Variants in FANCB observed in about 807,000 individuals in gnomAD.
FANCB encodes FA complementation group B.
In FANCB, 5 loss-of-function variants were observed where a neutral mutation model predicts 38.9. The ratio of observed to expected loss-of-function variants is 0.13; its 90% confidence interval spans 0.07 to 0.27. The LOEUF (loss-of-function observed/expected upper bound fraction) is 0.27, where lower values mean the gene tolerates loss of function less well. Among genes scored for constraint, FANCB ranks in the 10% least tolerant of loss-of-function variants. The pLI, the probability that FANCB is intolerant of heterozygous loss-of-function variation, is 1.00. For missense variants in FANCB, 573 were observed against 602.7 expected, an observed-to-expected ratio of 0.95 and a Z score of 0.52; for synonymous variants, 236 against 215.4, an observed-to-expected ratio of 1.10 and a Z score of -0.84.
the FANCB span, among the ~76,000 whole-genome samples, chrX:14,717,936 G>A: frequency 1.8e-5 from 2 of 111,210 alleles, no homozygotes; most frequent in Non-Finnish European, 3.8e-5. Context: ...GAGATAGGCT[G>A]ATGAGTAAAT....
At chrX:14,741,901 C>A in the FANCB span, among the ~76,000 whole-genome samples, 1 of 111,267 alleles carries the variant, frequency 9.0e-6, no homozygotes, top group Non-Finnish European at 1.9e-5. Context: ...AAACAGTAAC[C>A]TTTATGGTTA....
intron 3 of FANCB, among the ~76,000 whole-genome samples, chrX:14,863,766 C>T (rs2092456325): frequency 8.9e-6 from 1 of 112,280 alleles, no homozygotes; most frequent in African/African-American, 3.2e-5. Context: ...CTCCAGATTT[C>T]AAGGAATTTC....
the FANCB span, among the ~76,000 whole-genome samples, chrX:14,754,171 C>T: frequency 3.6e-5 from 4 of 112,578 alleles, no homozygotes; most frequent in Non-Finnish European, 7.5e-5. Flanking sequence ...TACAATAGTT[C>T]GCCAGCTGAA....
At chrX:14,802,057 A>T in the FANCB span, among the ~76,000 whole-genome samples, 1 of 111,496 alleles carries the variant, frequency 9.0e-6, no homozygotes, top group Non-Finnish European at 1.9e-5. Flanking sequence ...ATGGCTCCTT[A>T]TGGTGCTCCC....
the FANCB span, among the ~76,000 whole-genome samples, chrX:14,757,470 G>C: frequency 8.9e-6 from 1 of 111,758 alleles, no homozygotes; most frequent in African/African-American, 3.3e-5. Context: ...TTTGAAGGAA[G>C]TGGATTGCTG....
At chrX:14,703,700 A>G in the FANCB span, among the ~76,000 whole-genome samples, 8 of 111,751 alleles carry the variant, frequency 7.2e-5, no homozygotes, top group Non-Finnish European at 1.3e-4. Context: ...ACAGTCCAGA[A>G]GTACCAGGAG....
the FANCB span, among the ~76,000 whole-genome samples, chrX:14,696,220 G>A: frequency 5.3e-5 from 5 of 94,865 alleles, no homozygotes; most frequent in African/African-American, 7.7e-5. Context: ...GGGAGAGTGC[G>A]AGGGAGGGAG....
At chrX:14,864,448 G>A (rs1358039945) in intron 3 of FANCB, 112 bp downstream of exon 3, 6 of 541,721 alleles carry the variant, frequency 1.1e-5, no homozygotes, top group Non-Finnish European at 1.9e-5. Flanking sequence ...TTCATGTACA[G>A]AACTGAAAAT....
the FANCB span, among the ~76,000 whole-genome samples, chrX:14,747,166 T>G: frequency 8.9e-6 from 1 of 112,350 alleles, no homozygotes. Context: ...GCTCTGGTCT[T>G]GCCTTATGTT....
At chrX:14,775,347 C>T in the FANCB span, among the ~76,000 whole-genome samples, 3 of 110,518 alleles carry the variant, frequency 2.7e-5, no homozygotes, top group African/African-American at 6.6e-5. Flanking sequence ...ACAATTGATA[C>T]TTGGCCAGGC....
chrX:14,689,557 C>G, the FANCB span, among the ~76,000 whole-genome samples: 1 of 111,970 alleles, frequency 8.9e-6, no homozygotes, highest in Non-Finnish European at 1.9e-5. Context: ...TCATTTATTA[C>G]TTTTGTTACC....
the FANCB span, among the ~76,000 whole-genome samples, chrX:14,701,377 A>G: frequency 4.5e-5 from 5 of 111,149 alleles, no homozygotes; most frequent in South Asian, 1.1e-3. Context: ...AAAAATGGGC[A>G]ACCCCTGGTT....
At chrX:14,721,391 T>C in the FANCB span, among the ~76,000 whole-genome samples, 2 of 111,556 alleles carry the variant, frequency 1.8e-5, no homozygotes, top group African/African-American at 6.5e-5. Context: ...GAGTTAATCA[T>C]TCCACAACAA....
the FANCB span, among the ~76,000 whole-genome samples, chrX:14,706,686 C>T: frequency 9.0e-6 from 1 of 111,672 alleles, no homozygotes; most frequent in African/African-American, 3.3e-5. Flanking sequence ...GGTTCCTTCT[C>T]AGCTCTGTGT....
the FANCB span, among the ~76,000 whole-genome samples, chrX:14,728,359 C>A: frequency 9.0e-6 from 1 of 111,104 alleles, no homozygotes; most frequent in Non-Finnish European, 1.9e-5. Flanking sequence ...TGCCAGTTCA[C>A]CCCAGCCTGG....
At chrX:14,751,379 C>A in the FANCB span, among the ~76,000 whole-genome samples, 4 of 112,103 alleles carry the variant, frequency 3.6e-5, no homozygotes, top group African/African-American at 1.3e-4. Flanking sequence ...GCAGAAGATA[C>A]AACAGAATAC....
chrX:14,721,111 A>T, the FANCB span, among the ~76,000 whole-genome samples: 45 of 76,372 alleles, frequency 5.9e-4, no homozygotes, highest in East Asian at 0.015. Flanking sequence ...ACAGAGTGTG[A>T]CCCTGTCTCA....
the FANCB span, among the ~76,000 whole-genome samples, chrX:14,785,634 G>A: frequency 8.9e-6 from 1 of 112,053 alleles, no homozygotes; most frequent in Non-Finnish European, 1.9e-5. Context: ...ATCCTCCTCT[G>A]GTTCCCAACA....
At chrX:14,746,538 G>A in the FANCB span, among the ~76,000 whole-genome samples, 51 of 112,267 alleles carry the variant, frequency 4.5e-4, no homozygotes, top group African/African-American at 1.5e-3. Flanking sequence ...CTGTTGAAAC[G>A]TGACAAGATC....
Sources: allele counts gnomAD v4.1 joint callset (sites outside exome capture counted in the v4.1 genomes callset), GRCh38; gene constraint gnomAD v4.1.1; transcripts MANE v1.5; gene names NCBI Gene and HGNC (gene_info 2026-07-23, HGNC 2026-07-21).